TMEM132B: variants seen among roughly 807,000 people sequenced by gnomAD.
TMEM132B encodes the protein transmembrane protein 132B.
A neutral mutation model predicts 90.8 loss-of-function variants in TMEM132B; 18 were observed. That is an observed-to-expected ratio of 0.20 (90% CI 0.14 to 0.29). The LOEUF is 0.29. Among genes scored for constraint, TMEM132B ranks in the 10% least tolerant of loss-of-function variants. The pLI is 1.00. For missense variants in TMEM132B, 1,096 were observed against 1,326.8 expected, an observed-to-expected ratio of 0.83 and a Z score of 2.70; for synonymous variants, 504 against 523.3, an observed-to-expected ratio of 0.96 and a Z score of 0.50.
chr12:125,596,955 C>T (rs1375233852), intron 5 of TMEM132B, among the ~76,000 whole-genome samples: 1 of 152,122 alleles, frequency 6.6e-6, no homozygotes, highest in African/African-American at 2.4e-5. Context: ...TTCCCATGTG[C>T]TTTTATTGAA....
At chr12:125,494,555 T>C (rs1235627389) in intron 3 of TMEM132B, among the ~76,000 whole-genome samples, 10 of 43,914 alleles carry the variant, frequency 2.3e-4, no homozygotes, top group Admixed American at 9.9e-4. Flanking sequence ...CTCCTCCCTC[T>C]CCTCCCTGGA....
At chr12:125,300,789 C>T (rs1261622918) in intron 1 of TMEM132B, 2 of 152,178 alleles carry the variant, frequency 1.3e-5, no homozygotes, top group Non-Finnish European at 2.9e-5. Context: ...GGATCTGAAC[C>T]CCGGCCACTG....
Position 125,213,211 on chromosome 12 carries a change from TG to T in TMEM132B, c.67+26347del, listed in dbSNP as rs1331069364. Among the ~76,000 whole-genome samples the T allele has an allele frequency of 2.8e-4, 42 of 152,346 alleles. No individual in the cohort carries two copies. The highest frequency in any genetic ancestry group is 9.4e-4 in the African/African-American group (39 of 41,578). On this transcript the variant is annotated intron_variant, in intron 1 of 8. Transcript: ENST00000682704. The surrounding 1 kb of genome is among the most constrained non-coding windows in gnomAD (Gnocchi z 4.2). ...GGTCTGGCTTCTTTCACTTGCACAG[TG>T]GTTTTAAGGTTCATCCACGTTGTAG...
intron 1 of TMEM132B, among the ~76,000 whole-genome samples, chr12:125,232,461 T>C (rs1873849278): frequency 6.6e-6 from 1 of 152,208 alleles, no homozygotes; most frequent in South Asian, 2.1e-4. Flanking sequence ...TTACCTTTTT[T>C]TTTTTGAGAC....
chr12:125,461,892 C>T (rs545520475), intron 3 of TMEM132B, among the ~76,000 whole-genome samples: 3 of 152,180 alleles, frequency 2.0e-5, no homozygotes, highest in Non-Finnish European at 2.9e-5. Flanking sequence ...GCCTGGTTCT[C>T]GACCTCGCTG....
intron 5 of TMEM132B, among the ~76,000 whole-genome samples, chr12:125,623,860 C>T (rs900094311): frequency 6.6e-6 from 1 of 152,198 alleles, no homozygotes; most frequent in African/African-American, 2.4e-5. Flanking sequence ...TCAGTGTGAA[C>T]TCTATGCCTT....
intron 3 of TMEM132B, among the ~76,000 whole-genome samples, chr12:125,433,821 T>A (rs1357372397): frequency 6.6e-6 from 1 of 152,172 alleles, no homozygotes; most frequent in African/African-American, 2.4e-5. Context: ...ATCTTCTGCC[T>A]ACGCCGAAGC....
At chr12:125,486,124 G>T (rs555485722) in intron 3 of TMEM132B, among the ~76,000 whole-genome samples, 1 of 152,106 alleles carries the variant, frequency 6.6e-6, no homozygotes, top group African/African-American at 2.4e-5. Flanking sequence ...TGCTGCATTC[G>T]TCTAAGTCCT....
intron 1 of TMEM132B, among the ~76,000 whole-genome samples, chr12:125,265,532 C>T (rs140762390): frequency 6.6e-6 from 1 of 152,008 alleles, no homozygotes; most frequent in Non-Finnish European, 1.5e-5. Context: ...AAAGTGAGAG[C>T]AAGGAAAAAG....
chr12:125,528,749 CTAGAAG>C, intron 4 of TMEM132B, among the ~76,000 whole-genome samples: 2 of 152,210 alleles, frequency 1.3e-5, no homozygotes, highest in African/African-American at 2.4e-5. Flanking sequence ...CTACTGTTGA[CTAGAAG>C]CCTTACTGAC....
chr12:125,554,971 A>C (rs1049891949), intron 4 of TMEM132B, among the ~76,000 whole-genome samples: 5 of 152,176 alleles, frequency 3.3e-5, no homozygotes, highest in African/African-American at 1.2e-4. Context: ...CAACACAATT[A>C]TATACTTTGC....
At chr12:125,561,666 C>G (rs1884536542) in intron 4 of TMEM132B, among the ~76,000 whole-genome samples, 1 of 151,796 alleles carries the variant, frequency 6.6e-6, no homozygotes, top group African/African-American at 2.4e-5. Flanking sequence ...TCTTAAGTGA[C>G]TGTGCGTTAT....
chr12:125,281,964 G>C lies in TMEM132B; in HGVS notation c.68-67488G>C, dbSNP rs546203255. On this transcript the variant is annotated intron_variant, in intron 1 of 8. Transcript: ENST00000682704. ...AATGGCGTGAACCCGGGAGGCGGAG[G>C]TTGCAGTGAGCCGAGATTGCGCCAT... Among the ~76,000 whole-genome samples, 9 of 146,410 alleles carry C rather than the reference G, an allele frequency of 6.1e-5. No homozygotes were observed. In the South Asian group the frequency reaches 8.9e-4, roughly 15 times the overall value.
chr12:125,472,057 A>G (rs545331474), intron 3 of TMEM132B, among the ~76,000 whole-genome samples: 26 of 152,330 alleles, frequency 1.7e-4, no homozygotes, highest in African/African-American at 6.0e-4. Flanking sequence ...TAAGGAATGA[A>G]TGGCTATTCC....
At chr12:125,540,885 C>A (rs1883937537) in intron 4 of TMEM132B, among the ~76,000 whole-genome samples, 1 of 152,248 alleles carries the variant, frequency 6.6e-6, no homozygotes. Flanking sequence ...GGCCCCTGGC[C>A]ACCTTTCTGA....
At chr12:125,278,204 A>G (rs1041676447) in intron 1 of TMEM132B, among the ~76,000 whole-genome samples, 1 of 152,204 alleles carries the variant, frequency 6.6e-6, no homozygotes, top group Non-Finnish European at 1.5e-5. Flanking sequence ...GCCTATTCAT[A>G]TACATATTGT....
At chr12:125,260,405 A>G (rs899540197) in intron 1 of TMEM132B, among the ~76,000 whole-genome samples, 4 of 152,086 alleles carry the variant, frequency 2.6e-5, no homozygotes, top group Admixed American at 2.0e-4. Context: ...TGCTGTGTCA[A>G]CCATGGTGCG....
chr12:125,291,931 T>C (rs1875552864), intron 1 of TMEM132B, among the ~76,000 whole-genome samples: 1 of 152,236 alleles, frequency 6.6e-6, no homozygotes, highest in Non-Finnish European at 1.5e-5. Context: ...AAAATTCACA[T>C]TGTTTTAAGT....
intron 5 of TMEM132B, among the ~76,000 whole-genome samples, chr12:125,625,083 A>G (rs1190950638): frequency 6.6e-6 from 1 of 151,556 alleles, no homozygotes; most frequent in Non-Finnish European, 1.5e-5. Context: ...CTTCCAGGAC[A>G]GCACAAAAGT....
Sources: allele counts gnomAD v4.1 joint callset (sites outside exome capture counted in the v4.1 genomes callset), GRCh38; gene constraint gnomAD v4.1.1; non-coding constraint Gnocchi (gnomAD v3.1); transcripts MANE v1.5; gene names NCBI Gene and HGNC (gene_info 2026-07-23, HGNC 2026-07-21).